Variants in TENM4 observed in about 807,000 individuals in gnomAD.
The protein encoded by TENM4 is teneurin transmembrane protein 4, also known as teneurin-4.
A neutral mutation model predicts 243.3 loss-of-function variants in TENM4; 82 were observed. The observed-to-expected ratio is 0.34, with a 90% CI of 0.28 to 0.40. The LOEUF (loss-of-function observed/expected upper bound fraction) is 0.40, where lower values mean the gene tolerates loss of function less well. TENM4 is among the 10% of genes least tolerant of loss of function. TENM4 has a pLI of 1.00. For synonymous variants in TENM4, 1,412 were observed against 1,456.3 expected, an observed-to-expected ratio of 0.97 and a Z score of 0.69; for missense variants, 3,138 against 3,673.3, an observed-to-expected ratio of 0.85 and a Z score of 3.77.
intron 1 of TENM4, among the ~76,000 whole-genome samples, chr11:79,336,702 T>C (rs1373823738): frequency 1.3e-5 from 2 of 152,218 alleles, no homozygotes; most frequent in Non-Finnish European, 2.9e-5. Context: ...AATTAAGGTA[T>C]GTAAAGACCC....
At chr11:78,710,321 G>A (rs1273122825) in intron 26 of TENM4, among the ~76,000 whole-genome samples, 1 of 152,182 alleles carries the variant, frequency 6.6e-6, no homozygotes, top group Non-Finnish European at 1.5e-5. Flanking sequence ...TGAGTTTCAA[G>A]GCCTTTGCTC....
intron 6 of TENM4, chr11:78,962,279 C>A (rs1857343454): frequency 6.8e-6 from 1 of 147,340 alleles, no homozygotes; most frequent in Non-Finnish European, 1.5e-5. Flanking sequence ...TCTCATTGGC[C>A]GGAGGGGAGG....
intron 2 of TENM4, among the ~76,000 whole-genome samples, chr11:79,226,439 C>G (rs1864266956): frequency 6.6e-6 from 1 of 152,164 alleles, no homozygotes; most frequent in South Asian, 2.1e-4. Flanking sequence ...CTGAAGGCCC[C>G]CTGAAGCAAT....
chr11:79,392,718 A>G (rs1467432291), intron 1 of TENM4, among the ~76,000 whole-genome samples: 1 of 152,182 alleles, frequency 6.6e-6, no homozygotes, highest in Non-Finnish European at 1.5e-5. Flanking sequence ...CAAGCTACAG[A>G]GCCCCTCTGA....
At chr11:79,064,539 G>A (rs1860188892) in intron 6 of TENM4, 199 bp downstream of exon 6, 3 of 690,128 alleles carry the variant, frequency 4.3e-6, no homozygotes, top group South Asian at 3.9e-5. Flanking sequence ...AAAGAGCAGC[G>A]ACCCAATCTC....
At chr11:79,378,496 C>T (rs764792503) in intron 1 of TENM4, among the ~76,000 whole-genome samples, 7 of 152,174 alleles carry the variant, frequency 4.6e-5, no homozygotes, top group East Asian at 1.9e-4. Flanking sequence ...TCTGGAATCC[C>T]GGTCCAGACT....
At chr11:79,362,094 G>C (rs1399322367) in intron 1 of TENM4, among the ~76,000 whole-genome samples, 1 of 152,172 alleles carries the variant, frequency 6.6e-6, no homozygotes, top group Non-Finnish European at 1.5e-5. Flanking sequence ...TTCCAATTGA[G>C]AGATGAAGAA....
At chr11:78,893,237 T>C (rs1196524308) in intron 7 of TENM4, among the ~76,000 whole-genome samples, 21 of 152,214 alleles carry the variant, frequency 1.4e-4, no homozygotes, top group Admixed American at 1.4e-3. Context: ...ACCAGGCAGA[T>C]AACCCTGCTG....
Position 79,064,902 on chromosome 11 carries a change from C to G in TENM4, c.329G>C (p.Gly110Ala). 1 of 1,547,100 alleles carries G rather than the reference C, an allele frequency of 6.5e-7. No individual in the cohort carries two copies. Among genetic ancestry groups the G allele is most frequent in the Non-Finnish European group, 8.7e-7 (1 of 1,143,716 alleles). ...IGLPHCGYSMGAGSDADMEAD... is the reference protein window; with the variant it reads ...IGLPHCGYSMAAGSDADMEAD... Reference sequence around the variant, plus strand: ...CTCCATGTCGGCATCAGAGCCAGCCCCCATGGAGTAGCCGCAGTGGGGGAG... The same window carrying G: ...CTCCATGTCGGCATCAGAGCCAGCCGCCATGGAGTAGCCGCAGTGGGGGAG... The change falls in exon 6 of 34, where the codon GGG becomes GCG. Residue 110 changes from glycine (G) to alanine (A), a missense_variant. Physicochemically the swap from Gly to Ala is moderately conservative, Grantham distance 60 (BLOSUM62 0). This residue lies in a region of TENM4 where 671 missense variants were observed against 614.1 expected (regional missense o/e 1.09). Coordinates refer to ENST00000278550, the MANE Select transcript of TENM4 (RefSeq NM_001098816.3).
At chr11:79,432,792 A>C (rs991756915) in intron 1 of TENM4, among the ~76,000 whole-genome samples, 1 of 152,230 alleles carries the variant, frequency 6.6e-6, no homozygotes, top group African/African-American at 2.4e-5. Context: ...AGTTTGAATT[A>C]CATGGCATAT....
At chr11:79,303,135 TCTTCAAGATTCTG>T (rs965316233) in intron 1 of TENM4, among the ~76,000 whole-genome samples, 5 of 152,212 alleles carry the variant, frequency 3.3e-5, no homozygotes, top group Middle Eastern at 3.2e-3. Flanking sequence ...AAGCCTCCTC[TCTTCAAGATTCTG>T]CTTCAAGATT....
chr11:79,030,061 C>G (rs1287993413), intron 6 of TENM4, among the ~76,000 whole-genome samples: 1 of 152,090 alleles, frequency 6.6e-6, no homozygotes, highest in Non-Finnish European at 1.5e-5. Context: ...GGAATCCGCC[C>G]TGGATTAAAA....
intron 12 of TENM4, among the ~76,000 whole-genome samples, chr11:78,830,901 T>A (rs1857965662): frequency 6.6e-6 from 1 of 152,210 alleles, no homozygotes; most frequent in Non-Finnish European, 1.5e-5. Flanking sequence ...TTTTTAATAA[T>A]AAAGTGATGA....
chr11:79,004,411 C>T, intron 6 of TENM4, among the ~76,000 whole-genome samples: 1 of 152,128 alleles, frequency 6.6e-6, no homozygotes, highest in East Asian at 1.9e-4. Context: ...AGATACCAAC[C>T]ACGCTCTTGG....
chr11:78,972,401 G>T (rs946337566), intron 6 of TENM4, among the ~76,000 whole-genome samples: 11 of 152,078 alleles, frequency 7.2e-5, no homozygotes, highest in Admixed American at 7.2e-4. Context: ...AAAACAGGAC[G>T]CAGTAAATTT....
chr11:79,264,297 T>G (rs904653256), intron 2 of TENM4, among the ~76,000 whole-genome samples: 2 of 152,224 alleles, frequency 1.3e-5, no homozygotes, highest in Admixed American at 1.3e-4. Context: ...AATTAGAGTA[T>G]TATTAATCAA....
intron 2 of TENM4, among the ~76,000 whole-genome samples, chr11:79,227,318 C>T (rs535131896): frequency 5.9e-5 from 9 of 152,306 alleles, no homozygotes; most frequent in African/African-American, 1.4e-4. Context: ...GGCTGAAATA[C>T]GTACTGTTTA....
At chr11:78,787,721 T>A (rs1245861351) in intron 15 of TENM4, among the ~76,000 whole-genome samples, 1 of 152,184 alleles carries the variant, frequency 6.6e-6, no homozygotes. Flanking sequence ...AGCTTCCTGC[T>A]TCCTCACCCC....
At chr11:78,893,094 C>T (rs952569714) in intron 7 of TENM4, among the ~76,000 whole-genome samples, 31 of 152,328 alleles carry the variant, frequency 2.0e-4, no homozygotes, top group African/African-American at 6.7e-4. Flanking sequence ...TTTGGTGAGT[C>T]GTGAAGCACT....
Sources: gnomAD v4.1 joint callset for allele counts (sites outside exome capture counted in the v4.1 genomes callset) on GRCh38, gnomAD v4.1.1 for gene constraint, gnomAD v4.1.1 regional missense constraint, MANE v1.5 for transcripts, NCBI Gene and HGNC (gene_info 2026-07-23, HGNC 2026-07-21) for gene names.